IL34: variants seen among roughly 807,000 people sequenced by gnomAD.
IL34 encodes the protein interleukin-34.
IL34 carries 17 observed loss-of-function variants against 25.3 expected under a neutral mutation model. The observed-to-expected ratio is 0.67, with a 90% CI of 0.46 to 1.01. The LOEUF is 1.01. IL34 is among the 50% of genes least tolerant of loss of function. The pLI is 0.00. For missense variants in IL34, 368 were observed against 312.9 expected (o/e 1.18, Z -1.33); for synonymous variants, 174 against 140.9 (o/e 1.23, Z -1.66).
chr16:70,617,971 G>C (rs1252069729), intron 1 of IL34, among the ~76,000 whole-genome samples: 1 of 152,094 alleles, frequency 6.6e-6, no homozygotes, highest in Non-Finnish European at 1.5e-5. Context: ...ATCTGACTCA[G>C]GGCATGTTGA....
intron 1 of IL34, among the ~76,000 whole-genome samples, chr16:70,626,517 C>T (rs987865225): frequency 5.9e-5 from 9 of 152,172 alleles, no homozygotes; most frequent in Admixed American, 2.0e-4. Context: ...CTGCCTCAGC[C>T]TCCCGAGTAG....
chr16:70,616,385 A>C (rs1376623166), intron 1 of IL34, among the ~76,000 whole-genome samples: 1 of 152,238 alleles, frequency 6.6e-6, no homozygotes, highest in Non-Finnish European at 1.5e-5. Flanking sequence ...TACCAATCTG[A>C]TAGGTGAAAA....
At chr16:70,619,027 G>A (rs866737241) in intron 1 of IL34, among the ~76,000 whole-genome samples, 50 of 152,280 alleles carry the variant, frequency 3.3e-4, no homozygotes, top group African/African-American at 1.1e-3. Context: ...TTGGCACCAC[G>A]GGGTGGATAG....
chr16:70,652,591 G>A (rs1393220536), intron 1 of IL34, among the ~76,000 whole-genome samples: 1 of 152,182 alleles, frequency 6.6e-6, no homozygotes, highest in African/African-American at 2.4e-5. Context: ...CCACATCTTT[G>A]ACAATGTGAT....
At chr16:70,648,738 G>A (rs1665706408) in intron 1 of IL34, among the ~76,000 whole-genome samples, 1 of 151,928 alleles carries the variant, frequency 6.6e-6, no homozygotes, top group South Asian at 2.1e-4. Context: ...TGAGGAAGTT[G>A]GGCTGCCATA....
Position 70,622,285 on chromosome 16 carries a change from C to T in IL34, c.-400-24263C>T, listed in dbSNP as rs1453446965. Among the ~76,000 whole-genome samples the T allele has an allele frequency of 2.6e-5, 4 of 151,992 alleles. No homozygotes were observed. The East Asian group carries it at 5.8e-4, about 22-fold the overall frequency. ...ACTAAAAGTTATTTTAGTTATCTGA[C>T]TCAGGGCATGTTGAATAAAGCTAAT... On this transcript the variant is annotated intron_variant, in intron 1 of 6. Transcript: ENST00000429149.
intron 1 of IL34, among the ~76,000 whole-genome samples, chr16:70,615,797 CA>C (rs1344384018): frequency 6.6e-6 from 1 of 151,898 alleles, no homozygotes; most frequent in Admixed American, 6.6e-5. Flanking sequence ...ACCAAAAATA[CA>C]AAAAATTAGC....
At chr16:70,649,419 G>C (rs2052023681) in intron 1 of IL34, among the ~76,000 whole-genome samples, 1 of 152,192 alleles carries the variant, frequency 6.6e-6, no homozygotes, top group Non-Finnish European at 1.5e-5. Flanking sequence ...CGTTGCCATG[G>C]CAATGGTAAA....
At chr16:70,610,697 G>T (rs1334875299) in intron 1 of IL34, among the ~76,000 whole-genome samples, 3 of 152,238 alleles carry the variant, frequency 2.0e-5, no homozygotes, top group Non-Finnish European at 4.4e-5. Flanking sequence ...TGATGTTTGA[G>T]CTGACAAGAA....
chr16:70,628,997 C>T (rs1461641539), intron 1 of IL34, among the ~76,000 whole-genome samples: 1 of 151,938 alleles, frequency 6.6e-6, no homozygotes, highest in Non-Finnish European at 1.5e-5. Context: ...GGTATGTTGC[C>T]CAGGCTGGTC....
At chr16:70,639,310 C>G (rs572050589) in intron 1 of IL34, among the ~76,000 whole-genome samples, 1 of 152,188 alleles carries the variant, frequency 6.6e-6, no homozygotes, top group East Asian at 1.9e-4. Context: ...CATTTGAAAA[C>G]AAATTACACG....
At chr16:70,598,260 G>A (rs895503572) in intron 1 of IL34, among the ~76,000 whole-genome samples, 1 of 152,028 alleles carries the variant, frequency 6.6e-6, no homozygotes, top group African/African-American at 2.4e-5. Context: ...CTCCATTAGC[G>A]ACCTCTTAGA....
chr16:70,621,887 A>G (rs1038313176), intron 1 of IL34, among the ~76,000 whole-genome samples: 2 of 151,926 alleles, frequency 1.3e-5, no homozygotes, highest in Non-Finnish European at 2.9e-5. Context: ...TAATGTCATC[A>G]GTTAAGGCAA....
intron 1 of IL34, among the ~76,000 whole-genome samples, chr16:70,641,508 TCTCCCTCCCTCCCTTC>T (rs1331686121): frequency 6.8e-5 from 9 of 131,886 alleles, no homozygotes; most frequent in Non-Finnish European, 9.1e-5. Context: ...TCCCTCCCTC[TCTCCCTCCCTCCCTTC>T]CTCCCTCCCT....
intron 1 of IL34, among the ~76,000 whole-genome samples, chr16:70,647,576 A>T (rs1597775793): frequency 6.6e-6 from 1 of 152,342 alleles, no homozygotes; most frequent in East Asian, 1.9e-4. Context: ...AGATCCCCTC[A>T]GTCTCCAAGA....
chr16:70,605,340 CTT>C (rs1386410138), intron 1 of IL34, among the ~76,000 whole-genome samples: 1 of 152,194 alleles, frequency 6.6e-6, no homozygotes, highest in East Asian at 1.9e-4. Context: ...TTTTAAATAA[CTT>C]TTTATTGTGG....
intron 1 of IL34, among the ~76,000 whole-genome samples, chr16:70,635,519 AG>A (rs1438102137): frequency 6.6e-6 from 1 of 152,052 alleles, no homozygotes; most frequent in Admixed American, 6.6e-5. Flanking sequence ...CACAGGTCAG[AG>A]GTTGGAGGTC....
intron 1 of IL34, among the ~76,000 whole-genome samples, chr16:70,630,690 C>T (rs956468296): frequency 1.3e-5 from 2 of 151,712 alleles, no homozygotes; most frequent in Non-Finnish European, 2.9e-5. Context: ...CCTCCTACCT[C>T]AGCTTCCCAA....
chr16:70,638,276 A>C (rs2051700954), intron 1 of IL34, among the ~76,000 whole-genome samples: 1 of 152,100 alleles, frequency 6.6e-6, no homozygotes, highest in African/African-American at 2.4e-5. Context: ...TGGGAGTTCA[A>C]GACCAGCCTG....
Sources: allele counts gnomAD v4.1 joint callset (sites outside exome capture counted in the v4.1 genomes callset), GRCh38; gene constraint gnomAD v4.1.1; transcripts MANE v1.5; gene names NCBI Gene and HGNC (gene_info 2026-07-23, HGNC 2026-07-21).